KCTD15: variants seen among roughly 807,000 people sequenced by gnomAD.
KCTD15 encodes the protein potassium channel tetramerization domain containing 15, also known as BTB/POZ domain-containing protein KCTD15.
A neutral mutation model predicts 27.2 loss-of-function variants in KCTD15; 11 were observed. That is an observed-to-expected ratio of 0.41 (90% CI 0.25 to 0.67). KCTD15 has a LOEUF of 0.67. Among genes scored for constraint, KCTD15 ranks in the 30% least tolerant of loss-of-function variants. The probability of loss-of-function intolerance (pLI) is 0.35; values close to 1 mark genes in which losing one functional copy is unlikely to be tolerated. For synonymous variants in KCTD15, 163 were observed against 176.0 expected, an observed-to-expected ratio of 0.93 and a Z score of 0.58; for missense variants, 350 against 409.3, an observed-to-expected ratio of 0.86 and a Z score of 1.25.
At chr19:33,811,183 C>CT in intron 5 of KCTD15, 64 bp from the exon 6 acceptor site, 1 of 833,772 alleles carries the variant, frequency 1.2e-6, no homozygotes, top group Non-Finnish European at 1.8e-6. Flanking sequence ...CGCCTCCCCT[C>CT]TCCCCCTTCC....
intron 5 of KCTD15, among the ~76,000 whole-genome samples, chr19:33,808,382 C>G (rs916079333): frequency 6.6e-6 from 1 of 152,158 alleles, no homozygotes; most frequent in Non-Finnish European, 1.5e-5. Flanking sequence ...TCCATGTGAC[C>G]TGGGCTGGGC....
rs781585743 is a variant in KCTD15, at chr19:33,806,850, C to T, written c.243-13C>T. On this transcript the variant is annotated splice_polypyrimidine_tract_variant and intron_variant, in intron 4 of 6. Coordinates refer to ENST00000683859, the MANE Select transcript of KCTD15 (RefSeq NM_001129994.2). ...CATCCCTTCAGACATCCCACCTCGCCTGTCTCTCCCAGGATAAGCCGCCTC... is the reference window on the plus strand; with the variant it reads ...CATCCCTTCAGACATCCCACCTCGCTTGTCTCTCCCAGGATAAGCCGCCTC... 3.1e-6 allele frequency: 5 copies of T among 1,612,424 alleles called. No homozygotes were observed. The Admixed American group carries it at 8.3e-5, about 27-fold the overall frequency.
chr19:33,797,999 C>T (rs560008093), intron 1 of KCTD15, among the ~76,000 whole-genome samples: 2 of 152,262 alleles, frequency 1.3e-5, no homozygotes, highest in South Asian at 2.1e-4. Context: ...CCGCGGCCAC[C>T]CCGCCCCGCG....
At chr19:33,800,611 C>T (rs538139849) in intron 3 of KCTD15, 91 bp downstream of exon 3, 2 of 1,148,002 alleles carry the variant, frequency 1.7e-6, no homozygotes, top group Non-Finnish European at 1.3e-6. Context: ...TTCCTTGGGA[C>T]CATGACACTC....
chr19:33,795,731 G>A (rs1454518125), upstream of KCTD15, among the ~76,000 whole-genome samples: 4 of 152,122 alleles, frequency 2.6e-5, no homozygotes, highest in Admixed American at 2.6e-4. Context: ...AGGAGGAAGG[G>A]GCGGCCGAAG....
intron 4 of KCTD15, among the ~76,000 whole-genome samples, chr19:33,802,399 A>G (rs539931673): frequency 6.6e-6 from 1 of 152,310 alleles, no homozygotes; most frequent in South Asian, 2.1e-4. Flanking sequence ...GGTTCCTCAG[A>G]GCAGGGAGGA....
At chr19:33,803,282 A>T (rs1320255168) in intron 4 of KCTD15, among the ~76,000 whole-genome samples, 1 of 152,236 alleles carries the variant, frequency 6.6e-6, no homozygotes, top group Non-Finnish European at 1.5e-5. Flanking sequence ...TGGGTCAGGC[A>T]GCTGTGCTGG....
chr19:33,808,959 A>C (rs1975796454), intron 5 of KCTD15, among the ~76,000 whole-genome samples: 1 of 151,070 alleles, frequency 6.6e-6, no homozygotes, highest in African/African-American at 2.4e-5. Flanking sequence ...ACATAGCAAG[A>C]TGCTGTCTAT....
At chr19:33,806,334 G>T (rs1036503294) in intron 4 of KCTD15, among the ~76,000 whole-genome samples, 3 of 152,222 alleles carry the variant, frequency 2.0e-5, no homozygotes, top group African/African-American at 7.2e-5. Flanking sequence ...GGAAGGAAGG[G>T]ACCATGTGAC....
Position 33,813,520 on chromosome 19 carries a change from G to A in KCTD15, c.*572G>A, listed in dbSNP as rs1246672421. 7.3e-6 allele frequency: 3 copies of A among 408,638 alleles called. No individual in the cohort carries two copies. Among genetic ancestry groups the A allele is most frequent in the African/African-American group, 6.2e-5 (3 of 48,550 alleles). 25.3% of individuals were successfully genotyped at this position (408,638 alleles called of 1,614,324 possible). A position where few individuals can be genotyped will look rare whatever the true frequency, so the allele number is the denominator to read the frequency against. On this transcript the variant is annotated 3_prime_UTR_variant, in exon 7 of 7. Coordinates refer to ENST00000683859, the MANE Select transcript of KCTD15 (RefSeq NM_001129994.2). ...TCAGGCCCAGATGCCTGCAGGGCTG[G>A]GGCTCTCGGGACAGATGCAGGGATG...
intron 6 of KCTD15, 166 bp downstream of exon 6, chr19:33,811,718 A>G (rs1975930505): frequency 1.3e-6 from 2 of 1,557,410 alleles, no homozygotes; most frequent in Non-Finnish European, 1.7e-6. Context: ...TGTCCCTCTC[A>G]TAATTAAATG....
intron 3 of KCTD15, 27 bp downstream of exon 3, chr19:33,800,547 C>G: frequency 6.4e-7 from 1 of 1,563,426 alleles, no homozygotes; most frequent in Non-Finnish European, 8.7e-7. Context: ...GGCTGGGTCC[C>G]TGCCGGGAGT....
chr19:33,801,130 T>G, intron 3 of KCTD15, 37 bp from the exon 4 acceptor site: 1 of 1,549,752 alleles, frequency 6.5e-7, no homozygotes, highest in Non-Finnish European at 8.7e-7. Context: ...GTGTTCCGCT[T>G]TGAAACTCTT....
chr19:33,811,495 C>T lies in KCTD15; in HGVS notation c.636C>T (p.Asp212=), dbSNP rs1056046393. Residue 212 remains aspartate (D), a synonymous_variant, in exon 6 of 7, where the codon GAC becomes GAT. Coordinates refer to ENST00000683859, the MANE Select transcript of KCTD15 (RefSeq NM_001129994.2). ...CCGTCAACGCCGGCTGGAACCAGGA[C>T]CCCACGCACGTCATCCGCTTCCCGC... ...CNSVNAGWNQ[D]PTHVIRFPLN... The T allele has an allele frequency of 6.2e-7, 1 of 1,612,212 alleles. No individual in the cohort carries two copies. Among genetic ancestry groups the T allele is most frequent in the Non-Finnish European group, 8.5e-7 (1 of 1,179,180 alleles).
chr19:33,810,144 G>A (rs1295049366), intron 5 of KCTD15, among the ~76,000 whole-genome samples: 1 of 152,202 alleles, frequency 6.6e-6, no homozygotes, highest in Non-Finnish European at 1.5e-5. Flanking sequence ...TTCCCAGTGG[G>A]GTGGGTGTGT....
At chr19:33,800,674 C>G (rs553409203) in intron 3 of KCTD15, among the ~76,000 whole-genome samples, 154 bp downstream of exon 3, 9 of 152,320 alleles carry the variant, frequency 5.9e-5, no homozygotes, top group African/African-American at 1.9e-4. Context: ...CAAAAATGCT[C>G]TTAATTTGAT....
In KCTD15 at chr19:33,798,775, C is replaced by G. The variant is rs1028243692; in HGVS notation, c.-28+9C>G. On this transcript the variant is annotated intron_variant, in intron 2 of 6. Transcript: ENST00000683859. ...GCCTGGGGCTTCCAACGGTAAGTTT[C>G]TGGCTTGCCATGAACATCAGGTTGT... 4.6e-5 allele frequency: 7 copies of G among 152,642 alleles called. No homozygotes were observed. Among genetic ancestry groups the G allele is most frequent in the Admixed American group, 3.3e-4 (5 of 15,288 alleles). The allele number at this position is 152,642 out of a possible 1,614,324, so 9.5% of individuals were successfully genotyped here. A position where few individuals can be genotyped will look rare whatever the true frequency, so the allele number is the denominator to read the frequency against.
rs1461823610 is a variant in KCTD15, at chr19:33,811,580, G to A, written c.693+28G>A. The A allele has an allele frequency of 3.8e-6, 6 of 1,576,906 alleles. No homozygotes were observed. The East Asian group carries it at 6.8e-5, about 18-fold the overall frequency. ...GAGGGCTGCACGCTGCCCCCTCCCC[G>A]CCGCACCCCCGGCGTCCGCGGAGCC... On this transcript the variant is annotated intron_variant, in intron 6 of 6. Coordinates refer to ENST00000683859, the MANE Select transcript of KCTD15 (RefSeq NM_001129994.2).
chr19:33,796,678 A>G (rs981469232), upstream of KCTD15, among the ~76,000 whole-genome samples: 2 of 143,432 alleles, frequency 1.4e-5, no homozygotes, highest in Non-Finnish European at 3.1e-5. Context: ...GAGCGGCGGG[A>G]GGGCAGCCGG....
Sources: gnomAD v4.1 joint callset for allele counts (sites outside exome capture counted in the v4.1 genomes callset) on GRCh38, gnomAD v4.1.1 for gene constraint, MANE v1.5 for transcripts, NCBI Gene and HGNC (gene_info 2026-07-23, HGNC 2026-07-21) for gene names.